The following ST6GALNAC3 variants were observed in gnomAD, a reference collection of about 807,000 sequenced individuals.
ST6GALNAC3 encodes alpha-N-acetylgalactosaminide alpha-2,6-sialyltransferase 3.
ST6GALNAC3 carries 25 observed loss-of-function variants against 32.7 expected under a neutral mutation model. That is an observed-to-expected ratio of 0.76 (90% CI 0.56 to 1.07). The LOEUF (loss-of-function observed/expected upper bound fraction) is 1.07, where lower values mean the gene tolerates loss of function less well. ST6GALNAC3 is among the 50% of genes least tolerant of loss of function. ST6GALNAC3 has a pLI of 0.00. For synonymous variants in ST6GALNAC3, 129 were observed against 133.1 expected (o/e 0.97, Z 0.21); for missense variants, 355 against 382.4 (o/e 0.93, Z 0.60).
intron 1 of ST6GALNAC3, among the ~76,000 whole-genome samples, chr1:76,146,330 C>G (rs1650679156): frequency 6.6e-6 from 1 of 152,096 alleles, no homozygotes; most frequent in Admixed American, 6.5e-5. Flanking sequence ...AAGATTATCC[C>G]TTTTTTAATT....
At chr1:76,612,502 T>C (rs1648002242) in intron 3 of ST6GALNAC3, among the ~76,000 whole-genome samples, 2 of 152,160 alleles carry the variant, frequency 1.3e-5, no homozygotes, top group Non-Finnish European at 2.9e-5. Context: ...AGTTAATCCA[T>C]TAATTAATCA....
chr1:76,304,359 T>A (rs993874974), intron 1 of ST6GALNAC3, among the ~76,000 whole-genome samples: 4 of 152,004 alleles, frequency 2.6e-5, no homozygotes, highest in African/African-American at 9.7e-5. Context: ...CCCTCTTCCC[T>A]CTTTCCTCCA....
rs114801458 is a variant in ST6GALNAC3, at chr1:76,347,713, G to A, written c.213+33714G>A. Among the ~76,000 whole-genome samples the A allele has an allele frequency of 3.1e-3, 465 of 152,198 alleles. 3 individuals are homozygous for A. The highest frequency in any genetic ancestry group is 0.01 in the African/African-American group (428 of 41,540). On this transcript the variant is annotated intron_variant, in intron 2 of 4. Transcript: ENST00000328299. ...AGGTATAACATAGTGTTTAAGATCA[G>A]TGGCTCTGGAGTCAAACTTCCTGGG...
intron 3 of ST6GALNAC3, among the ~76,000 whole-genome samples, chr1:76,596,918 G>T (rs1382476727): frequency 2.6e-5 from 4 of 152,114 alleles, no homozygotes; most frequent in African/African-American, 9.7e-5. Context: ...AATTATCCTT[G>T]AGTTCATTTT....
chr1:76,331,646 T>C (rs1409013475), intron 2 of ST6GALNAC3, among the ~76,000 whole-genome samples: 1 of 152,190 alleles, frequency 6.6e-6, no homozygotes, highest in East Asian at 1.9e-4. Context: ...GGTCCTACCA[T>C]GGAACTGTTG....
intron 1 of ST6GALNAC3, among the ~76,000 whole-genome samples, chr1:76,133,870 A>G (rs2100240032): frequency 6.6e-6 from 1 of 152,256 alleles, no homozygotes; most frequent in East Asian, 1.9e-4. Context: ...AAAACACTCT[A>G]CTTACAGAAT....
At chr1:76,222,686 C>CA (rs372724482) in intron 1 of ST6GALNAC3, among the ~76,000 whole-genome samples, 3 of 131,418 alleles carry the variant, frequency 2.3e-5, no homozygotes, top group Non-Finnish European at 3.4e-5. Flanking sequence ...AACAAACAAA[C>CA]AAAAAAATAA....
intron 2 of ST6GALNAC3, among the ~76,000 whole-genome samples, chr1:76,407,223 G>A (rs572013160): frequency 2.0e-5 from 3 of 152,096 alleles, no homozygotes; most frequent in East Asian, 3.9e-4. Context: ...ACAGCTTAGC[G>A]CTGTGTGCTG....
At chr1:76,373,895 C>A (rs1248390800) in intron 2 of ST6GALNAC3, among the ~76,000 whole-genome samples, 1 of 152,160 alleles carries the variant, frequency 6.6e-6, no homozygotes, top group Non-Finnish European at 1.5e-5. Context: ...TGTTTTCTAA[C>A]CCCTTCCCAC....
intron 3 of ST6GALNAC3, among the ~76,000 whole-genome samples, chr1:76,518,773 G>A (rs1662326967): frequency 6.6e-6 from 1 of 152,080 alleles, no homozygotes; most frequent in South Asian, 2.1e-4. Context: ...GCCCTTTAAA[G>A]TGTCATTTAG....
Position 76,634,269 on chromosome 1 carries a change from A to G in ST6GALNAC3, c.*5463A>G, listed in dbSNP as rs1649435852. The G allele has an allele frequency of 1.5e-6, 1 of 659,824 alleles. No individual in the cohort carries two copies. The highest frequency in any genetic ancestry group is 1.9e-6 in the Non-Finnish European group (1 of 532,606). 40.9% of individuals were successfully genotyped at this position (659,824 alleles called of 1,614,324 possible). ...GCCTATGAAGTGAGAGCTATTTCTA[A>G]GAAACTTCAAAAAGATCAAAACGAG... On this transcript the variant is annotated 3_prime_UTR_variant, in exon 5 of 5. Coordinates refer to ENST00000328299, the MANE Select transcript of ST6GALNAC3 (RefSeq NM_152996.4).
At chr1:76,163,241 T>C (rs182717965) in intron 1 of ST6GALNAC3, among the ~76,000 whole-genome samples, 1 of 152,364 alleles carries the variant, frequency 6.6e-6, no homozygotes, top group East Asian at 1.9e-4. Context: ...TGAAGTTTTA[T>C]GTATCTTTCC....
At chr1:76,077,975 G>A (rs989715208) in intron 1 of ST6GALNAC3, among the ~76,000 whole-genome samples, 1 of 152,200 alleles carries the variant, frequency 6.6e-6, no homozygotes, top group Non-Finnish European at 1.5e-5. Context: ...AGGTTACAAT[G>A]TGAAGAATAA....
At chr1:76,195,975 A>G (rs1046745463) in intron 1 of ST6GALNAC3, among the ~76,000 whole-genome samples, 1 of 152,202 alleles carries the variant, frequency 6.6e-6, no homozygotes, top group African/African-American at 2.4e-5. Context: ...TCAGATTATG[A>G]GGTGATTTCT....
intron 1 of ST6GALNAC3, among the ~76,000 whole-genome samples, chr1:76,229,736 G>C (rs1656262918): frequency 6.6e-6 from 1 of 152,160 alleles, no homozygotes; most frequent in Admixed American, 6.5e-5. Flanking sequence ...GGTGGGGGCT[G>C]TGGCTGACCT....
rs541347285 is a variant in ST6GALNAC3, at chr1:76,351,508, T to A, written c.213+37509T>A. On this transcript the variant is annotated intron_variant, in intron 2 of 4. Coordinates refer to ENST00000328299, the MANE Select transcript of ST6GALNAC3 (RefSeq NM_152996.4). Reference sequence around the variant, plus strand: ...CTTTAAAACTACTATAACTTTTTTTTATAACTTCTAACTTGTTTTGTGCTT... The same window carrying A: ...CTTTAAAACTACTATAACTTTTTTTAATAACTTCTAACTTGTTTTGTGCTT... Among the ~76,000 whole-genome samples the A allele has an allele frequency of 6.4e-4, 97 of 152,266 alleles. 1 individual carries two copies. Among genetic ancestry groups the A allele is most frequent in the African/African-American group, 2.1e-3 (86 of 41,582 alleles).
intron 3 of ST6GALNAC3, among the ~76,000 whole-genome samples, chr1:76,428,417 T>C (rs1241202511): frequency 1.3e-5 from 2 of 152,114 alleles, no homozygotes; most frequent in African/African-American, 4.8e-5. Flanking sequence ...GAAAACCTTG[T>C]AAACTAGAAC....
At chr1:76,473,320 AT>A (rs1309673787) in intron 3 of ST6GALNAC3, among the ~76,000 whole-genome samples, 6 of 152,172 alleles carry the variant, frequency 3.9e-5, no homozygotes, top group African/African-American at 1.4e-4. Context: ...GTCAGGTATG[AT>A]AAGAAATTGT....
At chr1:76,120,300 T>A (rs1398026817) in intron 1 of ST6GALNAC3, among the ~76,000 whole-genome samples, 1 of 152,196 alleles carries the variant, frequency 6.6e-6, no homozygotes, top group Non-Finnish European at 1.5e-5. Context: ...GATCTCGTGT[T>A]TCCTTGAGAA....
Sources: gnomAD v4.1 joint callset for allele counts (sites outside exome capture counted in the v4.1 genomes callset) on GRCh38, gnomAD v4.1.1 for gene constraint, MANE v1.5 for transcripts, NCBI Gene and HGNC (gene_info 2026-07-23, HGNC 2026-07-21) for gene names.